The following SHLD1 variants were observed in gnomAD, a reference collection of about 807,000 sequenced individuals.
SHLD1 encodes RINN1-REV7-interacting novel NHEJ regulator 3.
Under a neutral mutation model 5.5 loss-of-function variants are expected in SHLD1, and 3 were observed. The observed-to-expected ratio is 0.54, with a 90% CI of 0.25 to 1.40. SHLD1 has a LOEUF of 1.40. SHLD1 is among the 40% of genes most tolerant of loss of function. SHLD1 has a pLI of 0.15. For missense variants in SHLD1, 210 were observed against 244.4 expected, an observed-to-expected ratio of 0.86 and a Z score of 0.94; for synonymous variants, 92 against 94.3, an observed-to-expected ratio of 0.98 and a Z score of 0.14.
chr20:5,783,385 G>A lies in SHLD1; in HGVS notation c.178+10342G>A, dbSNP rs555955962. Among the ~76,000 whole-genome samples, 97 of 152,138 alleles carry A rather than the reference G, an allele frequency of 6.4e-4. 1 individual carries two copies. Among genetic ancestry groups the A allele is most frequent in the Non-Finnish European group, 2.9e-4 (20 of 67,988 alleles). ...ACTACAGGAGCCCGCCACCACACCC[G>A]GCTAATTTTTGTATTTTTAGTAGAG... On this transcript the variant is annotated intron_variant, in intron 2 of 2. Coordinates refer to ENST00000303142, the MANE Select transcript of SHLD1 (RefSeq NM_152504.4).
At chr20:5,847,089 G>C (rs995821915) in intron 2 of SHLD1, among the ~76,000 whole-genome samples, 3 of 151,562 alleles carry the variant, frequency 2.0e-5, no homozygotes, top group African/African-American at 7.3e-5. Context: ...ATCATATTAG[G>C]GTTTTTTTTT....
At chr20:5,832,578 T>C (rs534698352) in intron 2 of SHLD1, among the ~76,000 whole-genome samples, 4 of 152,236 alleles carry the variant, frequency 2.6e-5, no homozygotes, top group African/African-American at 9.6e-5. Flanking sequence ...GCTGGGACTA[T>C]AGGCATGTGT....
intron 1 of SHLD1, among the ~76,000 whole-genome samples, chr20:5,758,115 T>C (rs920710960): frequency 3.2e-4 from 48 of 151,668 alleles, no homozygotes; most frequent in African/African-American, 1.1e-3. Context: ...AGAAGCGTTA[T>C]CCAGGAGAGG....
intron 1 of SHLD1, among the ~76,000 whole-genome samples, chr20:5,766,065 C>T (rs1984815990): frequency 6.6e-6 from 1 of 152,128 alleles, no homozygotes; most frequent in Admixed American, 6.6e-5. Context: ...GCTGATGACA[C>T]TCTCAGTTGA....
Position 5,817,586 on chromosome 20 carries a change from G to A in SHLD1, c.178+44543G>A, listed in dbSNP as rs114600957. On this transcript the variant is annotated intron_variant, in intron 2 of 2. Transcript: ENST00000303142. ...TGCTACCAAGGTTTAGCCTTTCTGGGTCTGTACTGAATATCCCAGGTATTC... is the reference window on the plus strand; with the variant it reads ...TGCTACCAAGGTTTAGCCTTTCTGGATCTGTACTGAATATCCCAGGTATTC... 1.9e-3 allele frequency among the ~76,000 whole-genome samples: 291 copies of A among 152,012 alleles called. 2 individuals carry two copies. The highest frequency in any genetic ancestry group is 6.9e-3 in the African/African-American group (285 of 41,470).
intron 2 of SHLD1, among the ~76,000 whole-genome samples, chr20:5,808,349 C>T (rs1289162893): frequency 6.6e-6 from 1 of 152,100 alleles, no homozygotes; most frequent in Non-Finnish European, 1.5e-5. Flanking sequence ...TGTATCCTTC[C>T]ATATACACAC....
intron 1 of SHLD1, among the ~76,000 whole-genome samples, chr20:5,762,273 A>G (rs1435370554): frequency 6.6e-6 from 1 of 152,012 alleles, no homozygotes; most frequent in African/African-American, 2.4e-5. Flanking sequence ...TTATTTATTG[A>G]CACCAGTTTT....
intron 2 of SHLD1, among the ~76,000 whole-genome samples, chr20:5,780,886 C>T (rs1292336874): frequency 6.6e-6 from 1 of 152,172 alleles, no homozygotes; most frequent in East Asian, 1.9e-4. Context: ...TGTCCTTTTG[C>T]TATGTGCCCA....
chr20:5,855,924 C>G lies in SHLD1; in HGVS notation c.179-7100C>G, dbSNP rs2088077074. Reference sequence around the variant, plus strand: ...TATGAACAGAAGTAATAGAGCTGTCCCAGTCACTGCTGATTTCCCCATACT... The same window carrying G: ...TATGAACAGAAGTAATAGAGCTGTCGCAGTCACTGCTGATTTCCCCATACT... On this transcript the variant is annotated intron_variant, in intron 2 of 2. Transcript: ENST00000303142. The surrounding 1 kb of genome is among the most constrained non-coding windows in gnomAD (Gnocchi z 4.4). Among the ~76,000 whole-genome samples the G allele has an allele frequency of 6.6e-6, 1 of 152,118 alleles. No homozygotes were observed. Among genetic ancestry groups the G allele is most frequent in the Admixed American group, 6.5e-5 (1 of 15,268 alleles).
At chr20:5,753,088 C>T (rs571136733) in intron 1 of SHLD1, among the ~76,000 whole-genome samples, 11 of 152,224 alleles carry the variant, frequency 7.2e-5, no homozygotes, top group Admixed American at 2.6e-4. Flanking sequence ...CATGAGCCAC[C>T]GCACCTGGCC....
At chr20:5,854,616 G>A (rs539148297) in intron 2 of SHLD1, among the ~76,000 whole-genome samples, 11 of 152,182 alleles carry the variant, frequency 7.2e-5, no homozygotes, top group East Asian at 1.9e-4. Flanking sequence ...GGGAGATAGC[G>A]ACAGCCAAGA....
At chr20:5,779,544 C>T (rs1985592808) in intron 2 of SHLD1, among the ~76,000 whole-genome samples, 1 of 152,172 alleles carries the variant, frequency 6.6e-6, no homozygotes, top group South Asian at 2.1e-4. Flanking sequence ...ACATGCCCAC[C>T]TTTACACTAA....
At chr20:5,836,024 C>G (rs910344165) in intron 2 of SHLD1, among the ~76,000 whole-genome samples, 16 of 152,012 alleles carry the variant, frequency 1.1e-4, no homozygotes, top group African/African-American at 3.9e-4. Context: ...TTCAGCTTCA[C>G]TATGTAACAG....
intron 2 of SHLD1, among the ~76,000 whole-genome samples, chr20:5,850,604 G>C (rs191223020): frequency 6.7e-6 from 1 of 149,388 alleles, no homozygotes; most frequent in Non-Finnish European, 1.5e-5. Context: ...TCCACCTCCC[G>C]GGTTCAAGCA....
At chr20:5,812,464 A>T (rs1054160016) in intron 2 of SHLD1, among the ~76,000 whole-genome samples, 2 of 152,246 alleles carry the variant, frequency 1.3e-5, no homozygotes, top group Admixed American at 1.3e-4. Flanking sequence ...ATGTAACTTT[A>T]GAGTCCTTCT....
At position 5,863,053 on chromosome 20, in the gene SHLD1, A is replaced by G; in HGVS notation, c.208A>G (p.Asn70Asp). 1 of 1,607,862 alleles carries G rather than the reference A, an allele frequency of 6.2e-7. No individual in the cohort carries two copies. Among genetic ancestry groups the G allele is most frequent in the Non-Finnish European group, 8.5e-7 (1 of 1,177,832 alleles). Residue 70 changes from asparagine to aspartate, a missense_variant, in exon 3 of 3, where the codon AAC (asparagine) becomes GAC (aspartate). Coordinates refer to ENST00000303142, the MANE Select transcript of SHLD1 (RefSeq NM_152504.4). ...CAGTAACTTAAATATAGAACAAAAT[A>G]ACTCCTGGACCGCTGAGAACTTCTG... Reference protein sequence around the residue: ...DTSNLNIEQNNSWTAENFWLD... With the variant: ...DTSNLNIEQNDSWTAENFWLD...
At chr20:5,831,438 T>A (rs899737629) in intron 2 of SHLD1, among the ~76,000 whole-genome samples, 2 of 152,212 alleles carry the variant, frequency 1.3e-5, no homozygotes, top group Admixed American at 6.5e-5. Flanking sequence ...CGTATTTTAT[T>A]TCTTTTGAAT....
intron 2 of SHLD1, among the ~76,000 whole-genome samples, chr20:5,851,836 T>TAATTAAATTTTAATTTAATTAA (rs1243247605): frequency 1.3e-5 from 2 of 151,954 alleles, no homozygotes; most frequent in African/African-American, 4.8e-5. Flanking sequence ...TTTAAATTTT[T>TAATTAAATTTTAATTTAATTAA]AATTAAATTT....
In SHLD1 at chr20:5,772,989, G is replaced by A. The variant is rs764198200; in HGVS notation, c.124G>A (p.Ala42Thr). The A allele has an allele frequency of 3.7e-6, 6 of 1,614,088 alleles. No homozygotes were observed. In the South Asian group the frequency reaches 4.4e-5, roughly 12 times the overall value. The part of the protein sequence containing the change: ...QGPSQEANSE[A>T]FSSLEFHSFP... ...ACCCAGCCAAGAAGCCAACAGCGAG[G>A]CTTTCAGTTCTTTGGAATTCCATTC... Residue 42 changes from alanine (A) to threonine (T), a missense_variant, in exon 2 of 3, where the codon GCT becomes ACT. Coordinates refer to ENST00000303142, the MANE Select transcript of SHLD1 (RefSeq NM_152504.4).
Sources: gnomAD v4.1 joint callset for allele counts (sites outside exome capture counted in the v4.1 genomes callset) on GRCh38, gnomAD v4.1.1 for gene constraint, Gnocchi (gnomAD v3.1) non-coding constraint, MANE v1.5 for transcripts, NCBI Gene and HGNC (gene_info 2026-07-23, HGNC 2026-07-21) for gene names.